The following PDE4D variants were observed in gnomAD, a reference collection of about 807,000 sequenced individuals.
PDE4D encodes phosphodiesterase 4D.
PDE4D carries 24 observed loss-of-function variants against 87.4 expected under a neutral mutation model. That is an observed-to-expected ratio of 0.27 (90% CI 0.20 to 0.39). The LOEUF is 0.39. PDE4D is among the 10% of genes least tolerant of loss of function. PDE4D has a pLI of 1.00. For missense variants in PDE4D, 714 were observed against 1,041.0 expected (o/e 0.69, Z 4.32); for synonymous variants, 384 against 383.2 (o/e 1.00, Z -0.02).
At chr5:59,214,776 C>G (rs913906272) in intron 2 of PDE4D, among the ~76,000 whole-genome samples, 1 of 152,112 alleles carries the variant, frequency 6.6e-6, no homozygotes, top group South Asian at 2.1e-4. Context: ...AAAATAGCAA[C>G]CATAGTTTGT....
At chr5:59,381,144 T>C (rs1430436262) in intron 1 of PDE4D, among the ~76,000 whole-genome samples, 1 of 152,214 alleles carries the variant, frequency 6.6e-6, no homozygotes, top group African/African-American at 2.4e-5. Context: ...CCCGGAATAC[T>C]AGTTAAAACA....
chr5:59,128,404 A>C (rs1202548443), intron 5 of PDE4D, among the ~76,000 whole-genome samples: 2 of 152,220 alleles, frequency 1.3e-5, no homozygotes, highest in African/African-American at 4.8e-5. Flanking sequence ...ATGACTTGTT[A>C]AGAGGTCTGC....
intron 1 of PDE4D, among the ~76,000 whole-genome samples, chr5:59,577,097 T>C (rs1158264441): frequency 6.6e-6 from 1 of 152,144 alleles, no homozygotes. Context: ...TCATATCATG[T>C]TATTTCCTTA....
In PDE4D at chr5:58,973,910, A is replaced by G. The variant is rs1406139853; in HGVS notation, c.*754T>C. 2.6e-5 allele frequency: 4 copies of G among 152,680 alleles called. No homozygotes were observed. The highest frequency in any genetic ancestry group is 4.4e-5 in the Non-Finnish European group (3 of 68,040). The allele number at this position is 152,680 out of a possible 1,614,324, so 9.5% of individuals were successfully genotyped here. A position where few individuals can be genotyped will look rare whatever the true frequency, so the allele number is the denominator to read the frequency against. On this transcript the variant is annotated 3_prime_UTR_variant, in exon 15 of 15. Coordinates refer to ENST00000340635, the MANE Select transcript of PDE4D (RefSeq NM_001104631.2). ...AAATCAGTTAATTGCTATGAACTATAAGGTGCAAGTAAAATTCATAAATTA... is the reference window on the plus strand; with the variant it reads ...AAATCAGTTAATTGCTATGAACTATGAGGTGCAAGTAAAATTCATAAATTA...
chr5:60,258,480 G>T (rs1461711013), intron 1 of PDE4D, among the ~76,000 whole-genome samples: 1 of 151,878 alleles, frequency 6.6e-6, no homozygotes, highest in East Asian at 1.9e-4. Flanking sequence ...CTTTGCTGGT[G>T]AACTTGCAAT....
At chr5:60,463,745 C>T (rs1747137525) in intron 1 of PDE4D, among the ~76,000 whole-genome samples, 1 of 152,156 alleles carries the variant, frequency 6.6e-6, no homozygotes, top group Admixed American at 6.5e-5. Flanking sequence ...AGATGTGCTG[C>T]CCAACACCAT....
At chr5:60,201,206 C>CAAAAAAAAAAA (rs1161235940) in intron 1 of PDE4D, among the ~76,000 whole-genome samples, 6 of 61,880 alleles carry the variant, frequency 9.7e-5, no homozygotes, top group African/African-American at 9.5e-5. Flanking sequence ...AAAAAGAAAG[C>CAAAAAAAAAAA]AAAAAAAAAA....
At chr5:60,098,652 T>C (rs990338564) in intron 2 of PDE4D, among the ~76,000 whole-genome samples, 2 of 152,052 alleles carry the variant, frequency 1.3e-5, no homozygotes, top group African/African-American at 4.8e-5. Context: ...GCTGAATTTA[T>C]TAATTTTAAG....
chr5:59,859,982 AGG>A (rs1269702222), intron 1 of PDE4D, among the ~76,000 whole-genome samples: 7 of 152,338 alleles, frequency 4.6e-5, no homozygotes, highest in African/African-American at 1.7e-4. Flanking sequence ...TTGGGAAGAA[AGG>A]GATATTTGAC....
At chr5:59,832,074 T>C (rs920532183) in intron 1 of PDE4D, among the ~76,000 whole-genome samples, 5 of 152,116 alleles carry the variant, frequency 3.3e-5, no homozygotes, top group African/African-American at 9.6e-5. Context: ...CTACCTATTC[T>C]GAAATTTTAC....
chr5:59,981,506 T>C (rs969367515), intron 3 of PDE4D, among the ~76,000 whole-genome samples: 7 of 152,338 alleles, frequency 4.6e-5, no homozygotes, highest in East Asian at 1.9e-4. Context: ...ATTTTTGGCA[T>C]TGATTACTTT....
chr5:59,392,112 G>A (rs151045993), intron 1 of PDE4D, among the ~76,000 whole-genome samples: 24 of 151,884 alleles, frequency 1.6e-4, no homozygotes, highest in Non-Finnish European at 3.4e-4. Context: ...TGCCTTCTGT[G>A]ATAATCCTGA....
intron 1 of PDE4D, among the ~76,000 whole-genome samples, chr5:59,298,776 TA>T (rs1475854241): frequency 2.6e-5 from 4 of 152,046 alleles, no homozygotes; most frequent in East Asian, 1.9e-4. Flanking sequence ...AAACAACTTG[TA>T]AAAAAAATTT....
chr5:60,267,834 C>T (rs1453832837), intron 1 of PDE4D, among the ~76,000 whole-genome samples: 1 of 152,098 alleles, frequency 6.6e-6, no homozygotes, highest in Non-Finnish European at 1.5e-5. Context: ...AACACTTCTC[C>T]TTTATTTGTA....
intron 1 of PDE4D, among the ~76,000 whole-genome samples, chr5:59,544,269 C>T (rs185251956): frequency 3.7e-4 from 57 of 152,290 alleles, no homozygotes; most frequent in Non-Finnish European, 6.9e-4. Context: ...CTAGTTCTAC[C>T]CATGCCAGAG....
intron 1 of PDE4D, among the ~76,000 whole-genome samples, chr5:60,434,319 A>G (rs1360916811): frequency 6.6e-6 from 1 of 152,218 alleles, no homozygotes; most frequent in Non-Finnish European, 1.5e-5. Flanking sequence ...TTGTTCACAG[A>G]CTTTCATAAG....
chr5:59,703,591 C>T (rs1456119642), intron 1 of PDE4D: 1 of 534,458 alleles, frequency 1.9e-6, no homozygotes, highest in Non-Finnish European at 3.8e-6. Flanking sequence ...TTGTCCCCAG[C>T]CGACTTCACA....
chr5:60,108,542 G>A lies in PDE4D; in HGVS notation c.42+77015C>T, dbSNP rs56052023. Among the ~76,000 whole-genome samples, 787 of 152,176 alleles carry A rather than the reference G, an allele frequency of 5.2e-3. 3 individuals are homozygous for A. The highest frequency in any genetic ancestry group is 8.3e-3 in the Non-Finnish European group (567 of 67,998). Reference sequence around the variant, plus strand: ...TTCATATGGAACCAAAAAAGAGCTCGCGTTGCCAAATGAATCCTAAGCCAA... The same window carrying A: ...TTCATATGGAACCAAAAAAGAGCTCACGTTGCCAAATGAATCCTAAGCCAA... On this transcript the variant is annotated intron_variant, in intron 2 of 16. Coordinates refer to the PDE4D transcript ENST00000502484.
chr5:59,223,416 C>G (rs1290781454), intron 1 of PDE4D, among the ~76,000 whole-genome samples: 1 of 152,058 alleles, frequency 6.6e-6, no homozygotes, highest in Non-Finnish European at 1.5e-5. Context: ...ACTCCACTCT[C>G]CCCTGTGTAT....
Sources: gnomAD v4.1 joint callset for allele counts (sites outside exome capture counted in the v4.1 genomes callset) on GRCh38, gnomAD v4.1.1 for gene constraint, MANE v1.5 for transcripts, NCBI Gene and HGNC (gene_info 2026-07-23, HGNC 2026-07-21) for gene names.